The following SLC9C2 variants were observed in gnomAD, a reference collection of about 807,000 sequenced individuals.
The protein encoded by SLC9C2 is solute carrier family 9 member C2 (putative).
In SLC9C2, 75 loss-of-function variants were observed where a neutral mutation model predicts 140.2. The observed-to-expected ratio is 0.53, with a 90% CI of 0.44 to 0.65. The LOEUF is 0.65. Ranked by LOEUF, SLC9C2 falls within the 30% of genes least tolerant of loss-of-function variation. The probability of loss-of-function intolerance (pLI) is 0.00; values close to 1 mark genes in which losing one functional copy is unlikely to be tolerated. For synonymous variants in SLC9C2, 375 were observed against 420.9 expected (o/e 0.89, Z 1.34); for missense variants, 1,074 against 1,331.8 (o/e 0.81, Z 3.01).
In SLC9C2 at chr1:173,576,778, A is replaced by C; in HGVS notation, c.803-18T>G. 3 of 1,491,228 alleles carry C rather than the reference A, an allele frequency of 2.0e-6. No homozygotes were observed. Among genetic ancestry groups the C allele is most frequent in the Non-Finnish European group, 2.8e-6 (3 of 1,082,192 alleles). 92.4% of individuals were successfully genotyped at this position (1,491,228 alleles called of 1,614,324 possible). A position where few individuals can be genotyped will look rare whatever the true frequency, so the allele number is the denominator to read the frequency against. ...AAATTCCACTGGGGAGAAAAAAAAAACAAATGAATCAAATGCAATGTATTC... is the reference window on the plus strand; with the variant it reads ...AAATTCCACTGGGGAGAAAAAAAAACCAAATGAATCAAATGCAATGTATTC... On this transcript the variant is annotated intron_variant, in intron 7 of 27. Coordinates refer to ENST00000367714, the MANE Select transcript of SLC9C2 (RefSeq NM_178527.4).
intron 15 of SLC9C2, 27 bp from the exon 16 acceptor site, chr1:173,534,709 G>T (rs1661819487): frequency 7.2e-7 from 1 of 1,398,308 alleles, no homozygotes; most frequent in South Asian, 1.5e-5. Context: ...TAAAATGTTA[G>T]ATCACTTAAA....
intron 7 of SLC9C2, among the ~76,000 whole-genome samples, chr1:173,577,833 C>A (rs1326507007): frequency 6.6e-6 from 1 of 152,080 alleles, no homozygotes; most frequent in African/African-American, 2.4e-5. Flanking sequence ...GTTTACTATT[C>A]TTTTGGTTTA....
intron 13 of SLC9C2, among the ~76,000 whole-genome samples, chr1:173,541,689 C>T (rs1007994166): frequency 4.6e-5 from 7 of 152,184 alleles, no homozygotes; most frequent in Admixed American, 2.0e-4. Flanking sequence ...CAAATTAGAA[C>T]TCAGGATTAA....
intron 22 of SLC9C2, among the ~76,000 whole-genome samples, chr1:173,518,264 AG>A (rs1660565070): frequency 8.6e-6 from 1 of 116,004 alleles, no homozygotes; most frequent in South Asian, 2.7e-4. Flanking sequence ...TCCATCTCAA[AG>A]AAAAAAAAAA....
In SLC9C2 at chr1:173,565,652, C is replaced by T. The variant is rs544355521; in HGVS notation, c.1046+7530G>A. 2.6e-5 allele frequency among the ~76,000 whole-genome samples: 4 copies of T among 152,148 alleles called. No homozygotes were observed. In the South Asian group the frequency reaches 8.3e-4, roughly 32 times the overall value. The stretch of plus-strand genomic sequence containing the variant: ...GAAGTTAAGTAATGTGATTCCTCCA[C>T]TTTTGTTTTTTTTGCTCAGATTACC... On this transcript the variant is annotated intron_variant, in intron 9 of 27. Transcript: ENST00000367714.
At chr1:173,598,908 T>C (rs974256874) in intron 3 of SLC9C2, among the ~76,000 whole-genome samples, 4 of 152,180 alleles carry the variant, frequency 2.6e-5, no homozygotes, top group Non-Finnish European at 4.4e-5. Flanking sequence ...TTTTCAAAAA[T>C]AAAGGAATGA....
At chr1:173,549,029 A>C (rs1053729110) in intron 11 of SLC9C2, among the ~76,000 whole-genome samples, 1 of 152,214 alleles carries the variant, frequency 6.6e-6, no homozygotes, top group Non-Finnish European at 1.5e-5. Flanking sequence ...CTCAAGTTTA[A>C]CATCTCTGTT....
At chr1:173,551,730 ATCTC>A (rs1354143124) in intron 11 of SLC9C2, among the ~76,000 whole-genome samples, 1 of 152,254 alleles carries the variant, frequency 6.6e-6, no homozygotes, top group African/African-American at 2.4e-5. Flanking sequence ...CCATTTCTGC[ATCTC>A]TCTCTCGCTC....
At chr1:173,557,135 C>T (rs977735575) in intron 10 of SLC9C2, among the ~76,000 whole-genome samples, 2 of 152,152 alleles carry the variant, frequency 1.3e-5, no homozygotes, top group Admixed American at 6.6e-5. Flanking sequence ...TTATCTAATA[C>T]CACATCCATA....
rs144010380 is a variant in SLC9C2, at chr1:173,569,785, A to G, written c.1046+3397T>C. 8.8e-4 allele frequency among the ~76,000 whole-genome samples: 134 copies of G among 152,248 alleles called. 1 individual carries two copies. Among genetic ancestry groups the G allele is most frequent in the African/African-American group, 3.1e-3 (128 of 41,548 alleles). ...GGCAACACAGCAAGACCCTGTCCCAAAAAGAAATAAAAAATAAAAAGTAGT... is the reference window on the plus strand; with the variant it reads ...GGCAACACAGCAAGACCCTGTCCCAGAAAGAAATAAAAAATAAAAAGTAGT... On this transcript the variant is annotated intron_variant, in intron 9 of 27. Transcript: ENST00000367714.
intron 4 of SLC9C2, among the ~76,000 whole-genome samples, chr1:173,595,783 T>C (rs1328245156): frequency 6.6e-6 from 1 of 152,208 alleles, no homozygotes. Context: ...TTAAAAACTT[T>C]ATTTTCAATT....
chr1:173,509,442 C>CT, intron 24 of SLC9C2, 126 bp downstream of exon 24: 1 of 823,428 alleles, frequency 1.2e-6, no homozygotes, highest in Non-Finnish European at 1.7e-6. Context: ...GAGCCTCTGT[C>CT]TCAAAAAAAA....
intron 23 of SLC9C2, among the ~76,000 whole-genome samples, chr1:173,515,161 T>C (rs902542648): frequency 2.6e-5 from 4 of 152,128 alleles, no homozygotes; most frequent in African/African-American, 9.7e-5. Context: ...AGTATCTTAG[T>C]GGTGTTCTCT....
chr1:173,599,467 T>C (rs1175933862), intron 3 of SLC9C2, among the ~76,000 whole-genome samples: 23 of 139,454 alleles, frequency 1.6e-4, no homozygotes, highest in Non-Finnish European at 2.8e-4. Flanking sequence ...CTCCGTCTCC[T>C]GGGTTCACGC....
chr1:173,513,362 G>A (rs1230083891), intron 23 of SLC9C2, among the ~76,000 whole-genome samples: 1 of 152,014 alleles, frequency 6.6e-6, no homozygotes, highest in African/African-American at 2.4e-5. Flanking sequence ...GTCTATTCAG[G>A]GATTTTAATT....
At chr1:173,562,891 C>T (rs559657525) in intron 9 of SLC9C2, among the ~76,000 whole-genome samples, 2 of 152,068 alleles carry the variant, frequency 1.3e-5, no homozygotes, top group African/African-American at 2.4e-5. Context: ...CATTTCACTG[C>T]GGAAACAAAC....
At chr1:173,553,952 A>G (rs1663495234) in intron 11 of SLC9C2, among the ~76,000 whole-genome samples, 1 of 151,966 alleles carries the variant, frequency 6.6e-6, no homozygotes. Context: ...GCCTAATCTC[A>G]CCCCAGTTTT....
chr1:173,546,536 G>A (rs565482514), intron 13 of SLC9C2, among the ~76,000 whole-genome samples: 4 of 152,208 alleles, frequency 2.6e-5, no homozygotes, highest in South Asian at 2.1e-4. Flanking sequence ...AGTCAAGATC[G>A]CGCCACTGCA....
rs536037767 is a variant in SLC9C2 at position 173,561,304 on chromosome 1, T to C, written c.1047-3796A>G. Among the ~76,000 whole-genome samples the C allele has an allele frequency of 2.6e-5, 4 of 152,298 alleles. No homozygotes were observed. The East Asian group carries it at 7.7e-4, about 29-fold the overall frequency. The stretch of plus-strand genomic sequence containing the variant: ...CCTTTTTAGAGAAAGAGATGTGGGG[T>C]TGCTGTTTGCCTGGGATGGAGGTGG... On this transcript the variant is annotated intron_variant, in intron 9 of 27. Coordinates refer to ENST00000367714, the MANE Select transcript of SLC9C2 (RefSeq NM_178527.4).
Sources: allele counts gnomAD v4.1 joint callset (sites outside exome capture counted in the v4.1 genomes callset), GRCh38; gene constraint gnomAD v4.1.1; transcripts MANE v1.5; gene names NCBI Gene and HGNC (gene_info 2026-07-23, HGNC 2026-07-21).